TTLL11: variants seen among roughly 807,000 people sequenced by gnomAD.
TTLL11 encodes the protein tubulin polyglutamylase TTLL11.
Under a neutral mutation model 51.7 loss-of-function variants are expected in TTLL11, and 42 were observed. The ratio of observed to expected loss-of-function variants is 0.81; its 90% CI spans 0.64 to 1.05. The LOEUF (loss-of-function observed/expected upper bound fraction) is 1.05. Among genes scored for constraint, TTLL11 ranks in the 50% least tolerant of loss-of-function variants. TTLL11 has a pLI of 0.00. For synonymous variants in TTLL11, 381 were observed against 383.5 expected (o/e 0.99, Z 0.08); for missense variants, 799 against 940.4 (o/e 0.85, Z 1.97).
chr9:121,895,815 GTGTT>G (rs1391427812), intron 6 of TTLL11, among the ~76,000 whole-genome samples: 6 of 86,538 alleles, frequency 6.9e-5, no homozygotes, highest in African/African-American at 2.5e-4. Context: ...GGTGTTTTGT[GTGTT>G]TGTGTATGTG....
intron 8 of TTLL11, among the ~76,000 whole-genome samples, chr9:121,843,769 C>T (rs1039975226): frequency 2.0e-5 from 3 of 152,142 alleles, no homozygotes; most frequent in Admixed American, 6.5e-5. Flanking sequence ...ACCTCCTGGG[C>T]TCAAGCCATC....
intron 6 of TTLL11, among the ~76,000 whole-genome samples, chr9:121,951,919 T>C (rs529556021): frequency 6.6e-6 from 1 of 152,358 alleles, no homozygotes; most frequent in African/African-American, 2.4e-5. Context: ...CTTCCTGCCA[T>C]TGCCATGGCA....
intron 8 of TTLL11, among the ~76,000 whole-genome samples, chr9:121,845,715 T>C (rs1287849222): frequency 6.6e-6 from 1 of 152,146 alleles, no homozygotes; most frequent in African/African-American, 2.4e-5. Context: ...AATGGACTTA[T>C]TAGCTGGAAA....
At chr9:121,977,082 G>A (rs1588170502) in intron 4 of TTLL11, among the ~76,000 whole-genome samples, 1 of 152,282 alleles carries the variant, frequency 6.6e-6, no homozygotes, top group Non-Finnish European at 1.5e-5. Context: ...AATGCCCAGT[G>A]GTTTCATGAA....
In TTLL11 at chr9:121,999,876, A is replaced by G. The variant is rs572040283; in HGVS notation, c.694-10106T>C. Among the ~76,000 whole-genome samples the G allele has an allele frequency of 9.2e-5, 14 of 152,302 alleles. No individual in the cohort carries two copies. The South Asian group carries it at 1.9e-3, about 20-fold the overall frequency. On this transcript the variant is annotated intron_variant, in intron 3 of 8. Transcript: ENST00000321582. ...CAATCACACATTTTATACCCTGGGG[A>G]GCCAGGATCTGAACATGGGTGTGTG...
At chr9:121,899,488 T>C (rs1839692585) in intron 6 of TTLL11, among the ~76,000 whole-genome samples, 1 of 151,370 alleles carries the variant, frequency 6.6e-6, no homozygotes, top group South Asian at 2.1e-4. Flanking sequence ...ACTGCGGCCT[T>C]GAATGCCTGG....
chr9:121,846,363 C>T (rs7046409), intron 8 of TTLL11, among the ~76,000 whole-genome samples: 106,164 of 152,100 alleles, frequency 0.7, 37,905 homozygotes, highest in African/African-American at 0.85. Context: ...CTATCAGTAA[C>T]TGACAGATCC....
chr9:122,064,946 T>C (rs1005449864), intron 1 of TTLL11, among the ~76,000 whole-genome samples: 4 of 152,172 alleles, frequency 2.6e-5, no homozygotes, highest in Non-Finnish European at 5.9e-5. Flanking sequence ...CCAAAATTCA[T>C]GTTCCCTCCA....
intron 6 of TTLL11, among the ~76,000 whole-genome samples, chr9:121,892,682 C>T (rs1839294052): frequency 6.6e-6 from 1 of 152,170 alleles, no homozygotes; most frequent in South Asian, 2.1e-4. Context: ...TTACTGTCCC[C>T]CTGAATGAAT....
intron 1 of TTLL11, among the ~76,000 whole-genome samples, chr9:122,062,799 A>C (rs906228735): frequency 6.6e-6 from 1 of 151,716 alleles, no homozygotes; most frequent in African/African-American, 2.4e-5. Context: ...TTTTTTTAAG[A>C]GATGGAGTCT....
chr9:122,028,356 A>G (rs1210045248), intron 3 of TTLL11, among the ~76,000 whole-genome samples: 1 of 152,144 alleles, frequency 6.6e-6, no homozygotes, highest in Non-Finnish European at 1.5e-5. Context: ...AACAAGAAGC[A>G]CTCTTTAAAA....
chr9:122,054,555 T>C (rs1337422421), intron 1 of TTLL11, among the ~76,000 whole-genome samples: 1 of 152,222 alleles, frequency 6.6e-6, no homozygotes, highest in Non-Finnish European at 1.5e-5. Flanking sequence ...AATTTAGCAC[T>C]ATGTTCTTTT....
At chr9:122,038,975 CTATTA>C (rs1224351899) in intron 2 of TTLL11, among the ~76,000 whole-genome samples, 1 of 152,102 alleles carries the variant, frequency 6.6e-6, no homozygotes, top group Non-Finnish European at 1.5e-5. Flanking sequence ...ATGAAATGTT[CTATTA>C]TTTTTTCATT....
Position 121,985,485 on chromosome 9 carries a change from C to G in TTLL11, c.1269+3710G>C, listed in dbSNP as rs1179944440. ...ATAAGAATAAAGTAAGAGAGGGCTC[C>G]AAGGAGAAAAGGATACCATTTTCTT... On this transcript the variant is annotated intron_variant, in intron 4 of 8. Transcript: ENST00000321582. 2.0e-5 allele frequency among the ~76,000 whole-genome samples: 3 copies of G among 148,158 alleles called. 1 individual carries two copies. The highest frequency in any genetic ancestry group is 7.5e-5 in the African/African-American group (3 of 40,022).
chr9:122,004,861 T>C (rs1250309170), intron 3 of TTLL11, among the ~76,000 whole-genome samples: 2 of 152,176 alleles, frequency 1.3e-5, no homozygotes, highest in Non-Finnish European at 2.9e-5. Flanking sequence ...CCTACTGTAA[T>C]AAAAGCTCCA....
At chr9:121,837,328 G>C (rs1167084471) in intron 8 of TTLL11, among the ~76,000 whole-genome samples, 1 of 145,234 alleles carries the variant, frequency 6.9e-6, no homozygotes, top group African/African-American at 2.6e-5. Flanking sequence ...ATTTTTACTA[G>C]TATGTTTTGA....
chr9:121,989,527 A>G lies in TTLL11; in HGVS notation c.937T>C (p.Tyr313His). The G allele has an allele frequency of 6.2e-7, 1 of 1,614,108 alleles. No homozygotes were observed. The highest frequency in any genetic ancestry group is 1.6e-4 in the Middle Eastern group (1 of 6,062). Reference sequence around the variant, plus strand: ...CTAGAGAGTCCGTCTTTGGCTATATAAATCTCTAAGGGGTCTAAGGACTTG... The same window carrying G: ...CTAGAGAGTCCGTCTTTGGCTATATGAATCTCTAAGGGGTCTAAGGACTTG... ...LLKSLDPLEI[Y>H]IAKDGLSRFC... The change falls in exon 4 of 9, where the codon TAT (tyrosine) becomes CAT (histidine). Residue 313 changes from tyrosine to histidine, a missense_variant. Around this residue, in one of 3 missense-constraint regions of TTLL11, gnomAD observed 468 missense variants for 612.8 expected, o/e 0.76. Transcript: ENST00000321582. This position sits in a 1 kb window ranked among gnomAD's most constrained non-coding sequence, Gnocchi z 4.2.
chr9:121,936,165 C>T (rs565477510), intron 6 of TTLL11, among the ~76,000 whole-genome samples: 5 of 152,136 alleles, frequency 3.3e-5, no homozygotes, highest in Non-Finnish European at 5.9e-5. Context: ...AAGAGAATGT[C>T]GGCCAGTTCT....
intron 6 of TTLL11, among the ~76,000 whole-genome samples, chr9:121,950,136 T>A (rs1017536029): frequency 5.3e-5 from 8 of 152,294 alleles, no homozygotes; most frequent in Middle Eastern, 3.4e-3. Context: ...ACTAGCTTCA[T>A]GCATTGGAAG....
Sources: allele counts gnomAD v4.1 joint callset (sites outside exome capture counted in the v4.1 genomes callset), GRCh38; gene constraint gnomAD v4.1.1; regional missense constraint gnomAD v4.1.1; non-coding constraint Gnocchi (gnomAD v3.1); transcripts MANE v1.5; gene names NCBI Gene and HGNC (gene_info 2026-07-23, HGNC 2026-07-21).